CNTN1: variants seen among roughly 807,000 people sequenced by gnomAD.
CNTN1 encodes the protein contactin-1.
Under a neutral mutation model 126.4 loss-of-function variants are expected in CNTN1, and 38 were observed. That is an observed-to-expected ratio of 0.30 (90% CI 0.23 to 0.39). The LOEUF (loss-of-function observed/expected upper bound fraction) is 0.39. Ranked by LOEUF, CNTN1 falls within the 10% of genes least tolerant of loss-of-function variation. The pLI is 1.00. For synonymous variants in CNTN1, 413 were observed against 422.6 expected (o/e 0.98, Z 0.28); for missense variants, 1,009 against 1,248.4 (o/e 0.81, Z 2.89).
At chr12:40,995,706 A>T (rs1948196455) in intron 17 of CNTN1, among the ~76,000 whole-genome samples, 1 of 152,178 alleles carries the variant, frequency 6.6e-6, no homozygotes, top group Non-Finnish European at 1.5e-5. Flanking sequence ...AGTAAGATAC[A>T]ACCTTGTAGT....
chr12:41,050,091 G>C (rs573128105), intron 23 of CNTN1, among the ~76,000 whole-genome samples: 1 of 152,092 alleles, frequency 6.6e-6, no homozygotes, highest in South Asian at 2.1e-4. Flanking sequence ...GTAGAGACAG[G>C]GTTTTGCCAT....
intron 1 of CNTN1, among the ~76,000 whole-genome samples, chr12:40,830,821 A>ATAAAGAG (rs1941793771): frequency 7.9e-6 from 1 of 126,016 alleles, no homozygotes; most frequent in Non-Finnish European, 1.7e-5. Flanking sequence ...ATATATATAT[A>ATAAAGAG]TATATATATA....
chr12:40,931,830 A>G (rs1592276375), intron 7 of CNTN1, among the ~76,000 whole-genome samples: 1 of 151,558 alleles, frequency 6.6e-6, no homozygotes, highest in Non-Finnish European at 1.5e-5. Flanking sequence ...CCAGTATCCT[A>G]GGTGATTCTG....
At chr12:40,759,783 T>A (rs1938779635) in intron 1 of CNTN1, among the ~76,000 whole-genome samples, 2 of 151,522 alleles carry the variant, frequency 1.3e-5, no homozygotes, top group South Asian at 4.2e-4. Context: ...TATTTTTTTT[T>A]TTTTTTTTTT....
intron 1 of CNTN1, among the ~76,000 whole-genome samples, chr12:40,872,562 TTTTTCTTTC>T (rs1158117191): frequency 1.6e-5 from 2 of 123,584 alleles, no homozygotes; most frequent in Non-Finnish European, 3.5e-5. Flanking sequence ...TACTAAGCAT[TTTTTCTTTC>T]TTTTTTTTTT....
At chr12:40,811,830 A>AG (rs935067760) in intron 1 of CNTN1, among the ~76,000 whole-genome samples, 10 of 149,604 alleles carry the variant, frequency 6.7e-5, no homozygotes, top group African/African-American at 2.4e-4. Context: ...ATCTTTTCAA[A>AG]AAAAAAAAAA....
At chr12:41,063,663 G>T (rs968442489) in intron 23 of CNTN1, among the ~76,000 whole-genome samples, 1 of 152,158 alleles carries the variant, frequency 6.6e-6, no homozygotes, top group Admixed American at 6.5e-5. Flanking sequence ...GTTGAGTGAT[G>T]GAAAGCTTCT....
chr12:40,918,344 C>T (rs995955988), intron 3 of CNTN1, among the ~76,000 whole-genome samples: 3 of 151,976 alleles, frequency 2.0e-5, no homozygotes, highest in African/African-American at 4.8e-5. Flanking sequence ...CTAGGAAAAC[C>T]GAAAGCATAT....
chr12:40,934,643 GGC>G (rs1267064995), intron 9 of CNTN1, among the ~76,000 whole-genome samples: 1 of 151,638 alleles, frequency 6.6e-6, no homozygotes, highest in African/African-American at 2.4e-5. Flanking sequence ...TTTTAACTCT[GGC>G]TACTGTCCCA....
At chr12:40,983,919 C>A in intron 16 of CNTN1, among the ~76,000 whole-genome samples, 1 of 64,930 alleles carries the variant, frequency 1.5e-5, no homozygotes, top group Non-Finnish European at 3.1e-5. Context: ...GCTATTATAG[C>A]ATATTTTATT....
chr12:41,038,862 C>T (rs1169779925), intron 23 of CNTN1, among the ~76,000 whole-genome samples: 2 of 150,854 alleles, frequency 1.3e-5, no homozygotes, highest in Admixed American at 6.6e-5. Context: ...ACTAAGAGTG[C>T]AGGGAGGGGC....
intron 17 of CNTN1, among the ~76,000 whole-genome samples, chr12:41,004,003 C>T (rs914424646): frequency 1.3e-5 from 2 of 152,058 alleles, no homozygotes; most frequent in Non-Finnish European, 1.5e-5. Flanking sequence ...TTTGTTTGCT[C>T]TTTGTTCTCT....
chr12:40,947,564 T>C (rs1946474070), intron 14 of CNTN1, among the ~76,000 whole-genome samples: 1 of 151,888 alleles, frequency 6.6e-6, no homozygotes, highest in Admixed American at 6.6e-5. Context: ...CTATCAAAAA[T>C]ATGAATTTTA....
intron 15 of CNTN1, among the ~76,000 whole-genome samples, chr12:40,977,327 A>T (rs2137059374): frequency 6.6e-6 from 1 of 152,250 alleles, no homozygotes; most frequent in Middle Eastern, 3.4e-3. Context: ...CAGAAAATAG[A>T]TTGTAAATGC....
intron 1 of CNTN1, among the ~76,000 whole-genome samples, chr12:40,704,401 CT>C (rs1261068055): frequency 2.6e-5 from 4 of 152,052 alleles, no homozygotes; most frequent in Admixed American, 2.6e-4. Flanking sequence ...TTGACTTCAT[CT>C]TGCTGTTAGG....
intron 15 of CNTN1, among the ~76,000 whole-genome samples, chr12:40,970,669 A>G (rs546202709): frequency 1.3e-5 from 2 of 152,276 alleles, no homozygotes; most frequent in Middle Eastern, 3.4e-3. Flanking sequence ...AAATGATTAC[A>G]TGGTTTTCTA....
At chr12:40,914,566 T>A (rs1432058124) in intron 3 of CNTN1, among the ~76,000 whole-genome samples, 1 of 152,170 alleles carries the variant, frequency 6.6e-6, no homozygotes, top group African/African-American at 2.4e-5. Context: ...AAATCCTTAA[T>A]AGAAAAATGA....
intron 15 of CNTN1, chr12:40,972,258 G>A: frequency 3.0e-6 from 3 of 985,264 alleles, no homozygotes; most frequent in Non-Finnish European, 3.6e-6. Context: ...GGAAGGTTGT[G>A]ATTTTTACTG....
At chr12:40,755,920 A>C (rs1200229333) in intron 1 of CNTN1, among the ~76,000 whole-genome samples, 1 of 152,148 alleles carries the variant, frequency 6.6e-6, no homozygotes, top group African/African-American at 2.4e-5. Flanking sequence ...CTAATCTAGA[A>C]GAATGGGAGC....
Sources: allele counts gnomAD v4.1 joint callset (sites outside exome capture counted in the v4.1 genomes callset), GRCh38; gene constraint gnomAD v4.1.1; transcripts MANE v1.5; gene names NCBI Gene and HGNC (gene_info 2026-07-23, HGNC 2026-07-21).